Variants in NRXN1 observed in about 807,000 individuals in gnomAD.
The protein encoded by NRXN1 is neurexin 1.
NRXN1 carries 39 observed loss-of-function variants against 150.9 expected under a neutral mutation model. That is an observed-to-expected ratio of 0.26 (90% CI 0.20 to 0.34). NRXN1 has a LOEUF of 0.34. NRXN1 is among the 10% of genes least tolerant of loss of function. NRXN1 has a pLI of 1.00. For synonymous variants in NRXN1, 924 were observed against 757.0 expected, an observed-to-expected ratio of 1.22 and a Z score of -3.62; for missense variants, 1,815 against 1,949.9, an observed-to-expected ratio of 0.93 and a Z score of 1.30.
rs540774846 is a variant in NRXN1 at position 50,188,706 on chromosome 2, G to A, written c.3546+48083C>T. ...AAAAAAACATCAAAAAGTGGATGAAGAATATGAACAGACACTTCTCAAAAG... is the reference window on the plus strand; with the variant it reads ...AAAAAAACATCAAAAAGTGGATGAAAAATATGAACAGACACTTCTCAAAAG... On this transcript the variant is annotated intron_variant, in intron 18 of 22. Transcript: ENST00000401669. Among the ~76,000 whole-genome samples, 5 of 151,806 alleles carry A rather than the reference G, an allele frequency of 3.3e-5. No individual in the cohort carries two copies. In the South Asian group the frequency reaches 1.0e-3, roughly 32 times the overall value.
Position 50,347,868 on chromosome 2 carries a change from G to T in NRXN1, c.3365-110898C>A. On this transcript the variant is annotated intron_variant, in intron 17 of 22. Transcript: ENST00000401669. The surrounding 1 kb of genome is among the most constrained non-coding windows in gnomAD (Gnocchi z 4.9). ...AATGCAGAGGACGAGCCTATGTAAC[G>T]AGGGAGGCTGGTCTAGCTTCCCACG... 1.0e-6 allele frequency: 1 copy of T among 984,548 alleles called. No homozygotes were observed. Among genetic ancestry groups the T allele is most frequent in the Non-Finnish European group, 1.2e-6 (1 of 829,164 alleles). The allele number at this position is 984,548 out of a possible 1,614,324, so 61.0% of individuals were successfully genotyped here. A position where few individuals can be genotyped will look rare whatever the true frequency, so the allele number is the denominator to read the frequency against.
At chr2:50,430,020 C>T (rs2084830252) in intron 17 of NRXN1, among the ~76,000 whole-genome samples, 1 of 152,142 alleles carries the variant, frequency 6.6e-6, no homozygotes, top group African/African-American at 2.4e-5. Flanking sequence ...CTCTGTCACA[C>T]ACATTTAACC....
At chr2:50,660,730 G>A (rs1196486398) in intron 5 of NRXN1, among the ~76,000 whole-genome samples, 1 of 151,980 alleles carries the variant, frequency 6.6e-6, no homozygotes, top group East Asian at 1.9e-4. Flanking sequence ...TTTCTGGCTG[G>A]CTGTCTCTGA....
At chr2:50,389,480 A>T (rs1016221611) in intron 17 of NRXN1, among the ~76,000 whole-genome samples, 1 of 151,852 alleles carries the variant, frequency 6.6e-6, no homozygotes, top group Non-Finnish European at 1.5e-5. Flanking sequence ...ATATATGAAC[A>T]TGTCATTGAT....
rs537581626 is a variant in NRXN1 at position 50,064,043 on chromosome 2, T to C, written c.3719-8999A>G. The stretch of plus-strand genomic sequence containing the variant: ...TATAGTCACAAACACCATTGGATTG[T>C]GAGAGGAATAGAACTTTGCAAAACG... On this transcript the variant is annotated intron_variant, in intron 19 of 22. Transcript: ENST00000401669. Among the ~76,000 whole-genome samples, 7 of 152,260 alleles carry C rather than the reference T, an allele frequency of 4.6e-5. No homozygotes were observed. The East Asian group carries it at 1.3e-3, about 29-fold the overall frequency.
At chr2:49,940,271 G>A (rs1246982250) in intron 22 of NRXN1, among the ~76,000 whole-genome samples, 1 of 152,100 alleles carries the variant, frequency 6.6e-6, no homozygotes, top group Non-Finnish European at 1.5e-5. Flanking sequence ...AGATACATCT[G>A]TTTCAGAATA....
intron 5 of NRXN1, among the ~76,000 whole-genome samples, chr2:50,750,031 T>C (rs1397594253): frequency 6.6e-6 from 1 of 152,072 alleles, no homozygotes; most frequent in African/African-American, 2.4e-5. Flanking sequence ...TTAGCATGGA[T>C]TCTCAGTCTT....
At chr2:50,153,650 T>A (rs1451535078) in intron 18 of NRXN1, among the ~76,000 whole-genome samples, 1 of 151,770 alleles carries the variant, frequency 6.6e-6, no homozygotes, top group Non-Finnish European at 1.5e-5. Flanking sequence ...CCTCTGCATA[T>A]GCAGTTGCTT....
At chr2:50,709,768 G>C (rs1257834999) in intron 5 of NRXN1, among the ~76,000 whole-genome samples, 2 of 152,068 alleles carry the variant, frequency 1.3e-5, no homozygotes, top group Admixed American at 1.3e-4. Context: ...ACTATTCATT[G>C]GTTCAAGTCT....
rs564907298 is a variant in NRXN1, at chr2:49,989,463, C to T, written c.4129-45672G>A. ...GAAAACCAACAGCCAACCAACAAAC[C>T]GGTCAATGCACTCCAGGGAAAGACC... is the stretch of plus-strand genomic sequence containing the variant. On this transcript the variant is annotated intron_variant, in intron 21 of 22. Coordinates refer to ENST00000401669, the MANE Select transcript of NRXN1 (RefSeq NM_001330078.2). Among the ~76,000 whole-genome samples the T allele has an allele frequency of 1.5e-4, 23 of 152,202 alleles. No individual in the cohort carries two copies. In the East Asian group the frequency reaches 3.9e-3, roughly 26 times the overall value.
chr2:50,739,693 A>G (rs769736674), intron 5 of NRXN1, among the ~76,000 whole-genome samples: 2 of 152,184 alleles, frequency 1.3e-5, no homozygotes, highest in Middle Eastern at 3.2e-3. Context: ...CTAAATGCAC[A>G]TAGCAGGAGG....
chr2:50,663,356 C>T (rs756692138), intron 5 of NRXN1, among the ~76,000 whole-genome samples: 9 of 151,970 alleles, frequency 5.9e-5, no homozygotes, highest in Non-Finnish European at 1.2e-4. Flanking sequence ...CCTTCGGACT[C>T]TCCTTTGTGC....
At chr2:49,974,387 G>C (rs1230298619) in intron 21 of NRXN1, among the ~76,000 whole-genome samples, 1 of 152,040 alleles carries the variant, frequency 6.6e-6, no homozygotes, top group Admixed American at 6.6e-5. Flanking sequence ...TAGGTAAACA[G>C]ACCTCCCTCT....
chr2:50,575,269 T>G (rs977916739), intron 8 of NRXN1, among the ~76,000 whole-genome samples: 4 of 152,206 alleles, frequency 2.6e-5, no homozygotes, highest in African/African-American at 9.6e-5. Flanking sequence ...TTCACCTAAG[T>G]GTGACACAAA....
At chr2:50,202,806 TGAAAATTC>T (rs2062277774) in intron 18 of NRXN1, among the ~76,000 whole-genome samples, 1 of 152,176 alleles carries the variant, frequency 6.6e-6, no homozygotes, top group African/African-American at 2.4e-5. Context: ...GAGGAGGGTT[TGAAAATTC>T]TTAAGATGTG....
chr2:50,664,462 G>A (rs1687742885), intron 5 of NRXN1, among the ~76,000 whole-genome samples: 2 of 149,170 alleles, frequency 1.3e-5, no homozygotes, highest in South Asian at 4.3e-4. Context: ...CGGGTGGGTA[G>A]AAGGATAGGC....
At chr2:50,375,866 G>GA (rs1337943733) in intron 17 of NRXN1, among the ~76,000 whole-genome samples, 2 of 151,670 alleles carry the variant, frequency 1.3e-5, no homozygotes. Flanking sequence ...AAAGTTTTTG[G>GA]AAAAAACAAT....
intron 17 of NRXN1, among the ~76,000 whole-genome samples, chr2:50,326,828 C>G (rs2076416308): frequency 6.6e-6 from 1 of 152,184 alleles, no homozygotes; most frequent in Non-Finnish European, 1.5e-5. Flanking sequence ...GTGCAATTTA[C>G]TGTGTTGAAA....
intron 15 of NRXN1, among the ~76,000 whole-genome samples, chr2:50,480,020 G>C (rs749540749): frequency 6.6e-6 from 1 of 151,978 alleles, no homozygotes; most frequent in Non-Finnish European, 1.5e-5. Context: ...ATATCCGCCC[G>C]CCTTGGCCTC....
Sources: allele counts gnomAD v4.1 joint callset (sites outside exome capture counted in the v4.1 genomes callset), GRCh38; gene constraint gnomAD v4.1.1; non-coding constraint Gnocchi (gnomAD v3.1); transcripts MANE v1.5; gene names NCBI Gene and HGNC (gene_info 2026-07-23, HGNC 2026-07-21).